Variants in ATXN7 observed in about 807,000 individuals in gnomAD.
The protein encoded by ATXN7 is ataxin-7.
ATXN7 carries 12 observed loss-of-function variants against 70.5 expected under a neutral mutation model. The observed-to-expected ratio is 0.17, with a 90% CI of 0.11 to 0.28. The LOEUF (loss-of-function observed/expected upper bound fraction) is 0.28, where lower values mean the gene tolerates loss of function less well. Among genes scored for constraint, ATXN7 ranks in the 10% least tolerant of loss-of-function variants. The probability of loss-of-function intolerance (pLI) is 1.00; values close to 1 mark genes in which losing one functional copy is unlikely to be tolerated. For missense variants in ATXN7, 1,256 were observed against 1,131.7 expected (o/e 1.11, Z -1.58); for synonymous variants, 498 against 448.7 (o/e 1.11, Z -1.39).
At chr3:63,953,077 A>C (rs1490037448) in intron 5 of ATXN7, among the ~76,000 whole-genome samples, 1 of 152,064 alleles carries the variant, frequency 6.6e-6, no homozygotes, top group Non-Finnish European at 1.5e-5. Context: ...TTGAGTATGT[A>C]GTATGATTCT....
At chr3:63,873,688 C>G (rs1202568756) in intron 1 of ATXN7, 2 of 152,182 alleles carry the variant, frequency 1.3e-5, no homozygotes, top group Non-Finnish European at 2.9e-5. Flanking sequence ...CCTTCCCAAC[C>G]CTACATCTAA....
At chr3:63,886,219 A>G (rs1472434857) in intron 1 of ATXN7, among the ~76,000 whole-genome samples, 1 of 152,168 alleles carries the variant, frequency 6.6e-6, no homozygotes, top group Non-Finnish European at 1.5e-5. Context: ...AGAAGCAGAG[A>G]GTAGAATAAT....
chr3:63,863,680 G>A, upstream of ATXN7: 1 of 1,237,646 alleles, frequency 8.1e-7, no homozygotes, highest in Non-Finnish European at 1.0e-6. Flanking sequence ...GGAGGCCGAG[G>A]GGTTCCCGGA....
At chr3:63,871,443 A>T (rs990584805) in intron 1 of ATXN7, among the ~76,000 whole-genome samples, 1 of 152,214 alleles carries the variant, frequency 6.6e-6, no homozygotes, top group African/African-American at 2.4e-5. Flanking sequence ...AGTCATTACA[A>T]AAAAAGAAAA....
chr3:63,985,343 C>T (rs1207719459), intron 8 of ATXN7, among the ~76,000 whole-genome samples: 1 of 152,292 alleles, frequency 6.6e-6, no homozygotes, highest in African/African-American at 2.4e-5. Context: ...TGGCATTGGG[C>T]TAAGCCTGTC....
intron 2 of ATXN7, among the ~76,000 whole-genome samples, chr3:63,899,282 G>A (rs1477782670): frequency 2.0e-5 from 3 of 151,798 alleles, no homozygotes; most frequent in Non-Finnish European, 2.9e-5. Flanking sequence ...GACTGGTCTC[G>A]AACCCCTGAC....
At chr3:63,997,599 A>G (rs1374509454) in intron 12 of ATXN7, 1 of 1,543,560 alleles carries the variant, frequency 6.5e-7, no homozygotes, top group Admixed American at 2.0e-5. Flanking sequence ...CTCATCTCTC[A>G]TCTTGTTATT....
chr3:63,884,366 A>G (rs774997637), intron 1 of ATXN7, among the ~76,000 whole-genome samples: 28 of 152,172 alleles, frequency 1.8e-4, no homozygotes, highest in Non-Finnish European at 3.5e-4. Flanking sequence ...CAATTTGAGC[A>G]GCTAAAAAAC....
At chr3:63,990,991 T>A in intron 11 of ATXN7, 132 bp downstream of exon 11, 1 of 1,335,494 alleles carries the variant, frequency 7.5e-7, no homozygotes, top group Non-Finnish European at 1.0e-6. Flanking sequence ...GAGAAGAAGG[T>A]GCCTTGTCAT....
At chr3:63,889,032 C>G (rs1703178220) in intron 1 of ATXN7, among the ~76,000 whole-genome samples, 3 of 151,550 alleles carry the variant, frequency 2.0e-5, no homozygotes, top group Admixed American at 1.3e-4. Flanking sequence ...AAGTTGTTAC[C>G]CAGAGTTTGA....
chr3:63,997,516 G>T (rs778303464), intron 12 of ATXN7: 6 of 935,462 alleles, frequency 6.4e-6, no homozygotes, highest in Non-Finnish European at 6.6e-6. Flanking sequence ...TTTTTGTCTC[G>T]TCCCAGCTCT....
intron 4 of ATXN7, among the ~76,000 whole-genome samples, chr3:63,914,890 G>A (rs1704200315): frequency 6.6e-6 from 1 of 152,112 alleles, no homozygotes; most frequent in Non-Finnish European, 1.5e-5. Flanking sequence ...CCTACTTGAG[G>A]CACAAAAGGG....
At chr3:63,958,953 G>C (rs1299827386) in intron 5 of ATXN7, among the ~76,000 whole-genome samples, 2 of 151,882 alleles carry the variant, frequency 1.3e-5, no homozygotes, top group African/African-American at 4.9e-5. Flanking sequence ...TGAATTGCAT[G>C]TGTCACAAAA....
intron 12 of ATXN7, chr3:63,998,404 C>G: frequency 2.0e-6 from 2 of 984,954 alleles, no homozygotes; most frequent in Non-Finnish European, 2.4e-6. Flanking sequence ...ACTTTTTTTT[C>G]TCTTCTTAAA....
At chr3:63,959,386 A>G (rs973652920) in intron 5 of ATXN7, among the ~76,000 whole-genome samples, 1 of 152,244 alleles carries the variant, frequency 6.6e-6, no homozygotes, top group African/African-American at 2.4e-5. Context: ...AAACAGGCAC[A>G]TGAAAACATG....
At chr3:63,863,538 G>C, upstream of ATXN7, 3 of 1,194,112 alleles carry the variant, frequency 2.5e-6, no homozygotes, top group East Asian at 3.5e-5. Context: ...GAGAGCGGAC[G>C]GGGAAAGCCG....
Position 63,964,478 on chromosome 3 carries a change from C to T in ATXN7, c.499+11995C>T, listed in dbSNP as rs576655846. Among the ~76,000 whole-genome samples, 65 of 152,268 alleles carry T rather than the reference C, an allele frequency of 4.3e-4. 2 individuals carry two copies. The South Asian group carries it at 0.013, about 31-fold the overall frequency. The stretch of plus-strand genomic sequence containing the variant: ...TTATAAAGGTGTTCATTGTGTGTTT[C>T]AAATAATGACTGGGCTGAGGTCACG... On this transcript the variant is annotated intron_variant, in intron 5 of 12. Transcript: ENST00000674280.
chr3:63,919,453 T>G (rs1575895401), intron 4 of ATXN7, among the ~76,000 whole-genome samples: 1 of 152,096 alleles, frequency 6.6e-6, no homozygotes, highest in East Asian at 1.9e-4. Context: ...AAGGGGAGAA[T>G]CTTCAAAATA....
intron 8 of ATXN7, among the ~76,000 whole-genome samples, chr3:63,984,042 C>T (rs1453581312): frequency 6.6e-6 from 1 of 151,880 alleles, no homozygotes; most frequent in African/African-American, 2.4e-5. Context: ...TGTCCCATGC[C>T]CCAGCCAGTG....
Sources: gnomAD v4.1 joint callset for allele counts (sites outside exome capture counted in the v4.1 genomes callset) on GRCh38, gnomAD v4.1.1 for gene constraint, MANE v1.5 for transcripts, NCBI Gene and HGNC (gene_info 2026-07-23, HGNC 2026-07-21) for gene names.